Variants in ZNF678 observed in about 807,000 individuals in gnomAD.
ZNF678 encodes the protein zinc finger protein 678.
In ZNF678, 5 loss-of-function variants were observed where a neutral mutation model predicts 3.0. That is an observed-to-expected ratio of 1.69 (90% CI 0.88 to 3.56). The LOEUF (loss-of-function observed/expected upper bound fraction) is 3.56. Among genes scored for constraint, ZNF678 ranks in the 30% most tolerant of loss-of-function variants. The probability of loss-of-function intolerance (pLI) is 0.00; values close to 1 mark genes in which losing one functional copy is unlikely to be tolerated. For synonymous variants in ZNF678, 218 were observed against 199.6 expected (o/e 1.09, Z -0.78); for missense variants, 593 against 605.0 (o/e 0.98, Z 0.21).
chr1:227,654,694 T>G lies in ZNF678; in HGVS notation c.444T>G (p.Thr148=). 6.2e-7 allele frequency: 1 copy of G among 1,613,134 alleles called. No homozygotes were observed. The highest frequency in any genetic ancestry group is 8.5e-7 in the Non-Finnish European group (1 of 1,179,426). The change falls in exon 4 of 4, where the codon ACT becomes ACG. Residue 148 remains threonine, a synonymous_variant. Coordinates refer to ENST00000343776, the MANE Select transcript of ZNF678 (RefSeq NM_001367909.1). ...TAACAAAACATAAAAGAATTCATAC[T>G]GGAGAGAAACCCTACAAATGTGACG... ...SNLTKHKRIH[T]GEKPYKCDEC...
intron 1 of ZNF678, among the ~76,000 whole-genome samples, chr1:227,574,279 A>C (rs909786321): frequency 2.0e-5 from 3 of 152,140 alleles, no homozygotes; most frequent in Non-Finnish European, 4.4e-5. Flanking sequence ...ACTAATTTAC[A>C]CTCCCACCAA....
intron 5 of ZNF678, among the ~76,000 whole-genome samples, chr1:227,669,463 C>T (rs912505523): frequency 2.7e-5 from 4 of 148,960 alleles, no homozygotes; most frequent in African/African-American, 1.0e-4. Context: ...GGTGAAACCC[C>T]GTCTCTACTA....
chr1:227,607,126 G>T (rs1030822500), intron 1 of ZNF678, among the ~76,000 whole-genome samples: 3 of 152,078 alleles, frequency 2.0e-5, no homozygotes, highest in African/African-American at 7.2e-5. Context: ...ATTTTTAATT[G>T]ATTTAATCTC....
intron 5 of ZNF678, among the ~76,000 whole-genome samples, chr1:227,672,588 C>T (rs1042175791): frequency 6.6e-6 from 1 of 152,062 alleles, no homozygotes; most frequent in Non-Finnish European, 1.5e-5. Context: ...GGTCTGGTTC[C>T]CTTCCCTACT....
chr1:227,606,793 A>G (rs1189341730), intron 1 of ZNF678, among the ~76,000 whole-genome samples: 1 of 152,152 alleles, frequency 6.6e-6, no homozygotes, highest in East Asian at 1.9e-4. Context: ...TACCAAGCAT[A>G]CTGTCTGCAG....
intron 5 of ZNF678, among the ~76,000 whole-genome samples, chr1:227,671,944 G>A (rs1478844175): frequency 6.6e-6 from 1 of 152,210 alleles, no homozygotes. Context: ...GCTTGCAGAG[G>A]AAAATCAGAG....
intron 1 of ZNF678, among the ~76,000 whole-genome samples, chr1:227,631,836 G>T (rs1397363065): frequency 6.6e-6 from 1 of 152,220 alleles, no homozygotes; most frequent in Non-Finnish European, 1.5e-5. Flanking sequence ...GCAAAGCTGT[G>T]AGAGAGATAA....
chr1:227,659,880 T>TAAAAAAAGAAAAAA lies in ZNF678; in HGVS notation c.*4059_*4060insGAAAAAAAAAAAAA. The stretch of plus-strand genomic sequence containing the variant: ...GAAAGGTCAACATGGTCTTGGCACT[T>TAAAAAAAGAAAAAA]AAAAAAAAAAAAACAATATATTCTC... On this transcript the variant is annotated 3_prime_UTR_variant, in exon 4 of 4. Transcript: ENST00000343776. 1 of 136,110 alleles carries TAAAAAAAGAAAAAA rather than the reference T, an allele frequency of 7.3e-6. No homozygotes were observed. Among genetic ancestry groups the TAAAAAAAGAAAAAA allele is most frequent in the Non-Finnish European group, 1.6e-5 (1 of 64,084 alleles). The allele number at this position is 136,110 out of a possible 1,614,324, so 8.4% of individuals were successfully genotyped here. A position where few individuals can be genotyped will look rare whatever the true frequency, so the allele number is the denominator to read the frequency against.
intron 1 of ZNF678, among the ~76,000 whole-genome samples, chr1:227,645,346 G>A (rs1658927966): frequency 6.6e-6 from 1 of 152,192 alleles, no homozygotes; most frequent in East Asian, 1.9e-4. Flanking sequence ...CAAGGGCTGG[G>A]TCAGCTGTTT....
chr1:227,569,090 C>G (rs1178062903), intron 1 of ZNF678, among the ~76,000 whole-genome samples: 1 of 152,136 alleles, frequency 6.6e-6, no homozygotes, highest in Non-Finnish European at 1.5e-5. Flanking sequence ...ATCTTGGGCT[C>G]AAGGACTTCC....
downstream of ZNF678, among the ~76,000 whole-genome samples, chr1:227,679,237 T>C (rs1039173582): frequency 2.0e-5 from 3 of 152,134 alleles, no homozygotes; most frequent in African/African-American, 7.2e-5. Flanking sequence ...GGCAAAGTTA[T>C]ATGTCACCAT....
At chr1:227,600,532 C>T (rs549736038) in intron 1 of ZNF678, among the ~76,000 whole-genome samples, 60 of 152,250 alleles carry the variant, frequency 3.9e-4, no homozygotes, top group African/African-American at 1.4e-3. Flanking sequence ...ATTTGCATTT[C>T]TCTAATCAGT....
At chr1:227,632,432 C>T (rs1351446711) in intron 1 of ZNF678, among the ~76,000 whole-genome samples, 1 of 152,094 alleles carries the variant, frequency 6.6e-6, no homozygotes, top group Non-Finnish European at 1.5e-5. Context: ...GGTAGGGGCA[C>T]ATGCATGGGC....
chr1:227,626,370 T>C (rs1658416102), intron 1 of ZNF678, among the ~76,000 whole-genome samples: 2 of 152,128 alleles, frequency 1.3e-5, no homozygotes, highest in African/African-American at 4.8e-5. Context: ...TTGGGATAGA[T>C]AAAATGACTG....
At chr1:227,653,634 G>T (rs1295847970) in intron 3 of ZNF678, among the ~76,000 whole-genome samples, 1 of 152,012 alleles carries the variant, frequency 6.6e-6, no homozygotes, top group Non-Finnish European at 1.5e-5. Context: ...ATAGCTATTT[G>T]CCAGGCTGGA....
chr1:227,670,072 A>T (rs992586851), intron 5 of ZNF678, among the ~76,000 whole-genome samples: 1 of 152,244 alleles, frequency 6.6e-6, no homozygotes, highest in African/African-American at 2.4e-5. Context: ...GGAAGCCATA[A>T]TCTAAAGCAG....
At chr1:227,600,410 A>G (rs1363037370) in intron 1 of ZNF678, among the ~76,000 whole-genome samples, 2 of 152,218 alleles carry the variant, frequency 1.3e-5, no homozygotes, top group Non-Finnish European at 2.9e-5. Context: ...TGTTTGAACA[A>G]ATTTACAGTC....
chr1:227,568,058 G>C (rs1362369206), intron 1 of ZNF678, among the ~76,000 whole-genome samples: 1 of 152,186 alleles, frequency 6.6e-6, no homozygotes, highest in African/African-American at 2.4e-5. Context: ...TGTTTAGGAG[G>C]GGCATAAAGA....
downstream of ZNF678, among the ~76,000 whole-genome samples, chr1:227,666,631 G>C (rs957922392): frequency 3.3e-5 from 5 of 151,968 alleles, no homozygotes; most frequent in Non-Finnish European, 7.4e-5. Context: ...AGTAGGCCTT[G>C]CTGCAGTTCG....
Sources: allele counts gnomAD v4.1 joint callset (sites outside exome capture counted in the v4.1 genomes callset), GRCh38; gene constraint gnomAD v4.1.1; transcripts MANE v1.5; gene names NCBI Gene and HGNC (gene_info 2026-07-23, HGNC 2026-07-21).